MMP28: variants seen among roughly 807,000 people sequenced by gnomAD.
MMP28 encodes the protein matrix metallopeptidase 28.
A neutral mutation model predicts 60.5 loss-of-function variants in MMP28; 55 were observed. That is an observed-to-expected ratio of 0.91 (90% confidence interval 0.73 to 1.14). MMP28 has a LOEUF of 1.14. Ranked by LOEUF, MMP28 falls within the 50% of genes most tolerant of loss-of-function variation. The probability of loss-of-function intolerance (pLI) is 0.00; values close to 1 mark genes in which losing one functional copy is unlikely to be tolerated. For missense variants in MMP28, 686 were observed against 738.3 expected, an observed-to-expected ratio of 0.93 and a Z score of 0.82; for synonymous variants, 318 against 312.5, an observed-to-expected ratio of 1.02 and a Z score of -0.18.
At chr17:35,786,597 A>G (rs2143550583) in intron 1 of MMP28, among the ~76,000 whole-genome samples, 1 of 151,500 alleles carries the variant, frequency 6.6e-6, no homozygotes, top group Admixed American at 6.6e-5. Flanking sequence ...GGCAAGGCAT[A>G]GTGGCTCACG....
chr17:35,764,190 G>T (rs1555602170), downstream of MMP28: 1 of 1,548,024 alleles, frequency 6.5e-7, no homozygotes, highest in South Asian at 1.2e-5. Flanking sequence ...CGCGAGCGGC[G>T]CTCAGTGTCC....
At chr17:35,788,156 T>C (rs952856461) in intron 1 of MMP28, among the ~76,000 whole-genome samples, 1 of 152,088 alleles carries the variant, frequency 6.6e-6, no homozygotes, top group Non-Finnish European at 1.5e-5. Context: ...TCCTTCTACC[T>C]TGGCCTCCCA....
intron 1 of MMP28, among the ~76,000 whole-genome samples, chr17:35,788,570 C>T (rs185722670): frequency 3.3e-5 from 5 of 152,220 alleles, no homozygotes; most frequent in African/African-American, 7.2e-5. Flanking sequence ...TTCTTGGGAA[C>T]GGCTTCCACA....
chr17:35,795,564 CG>C lies in MMP28; in HGVS notation c.-188del. On this transcript the variant is annotated 5_prime_UTR_variant, in exon 1 of 8. Transcript: ENST00000605424. ...GGGCCGCTCCTCCGCTGCCCTTCGC[CG>C]GGAGCCGGCCAGACGTCGTCCAGCC... 1 of 402,796 alleles carries C rather than the reference CG, an allele frequency of 2.5e-6. No individual in the cohort carries two copies. Among genetic ancestry groups the C allele is most frequent in the South Asian group, 1.2e-4 (1 of 8,652 alleles). 25.0% of individuals were successfully genotyped at this position (402,796 alleles called of 1,614,324 possible).
At position 35,766,460 on chromosome 17, in the gene MMP28, C is replaced by T. The variant is rs780495914; in HGVS notation, c.*40G>A. Reference sequence around the variant, plus strand: ...CCCGGGGGTGGGGAACATGATTTTGCCCTGAGAGCACCACCAGTTTCTGAG... The same window carrying T: ...CCCGGGGGTGGGGAACATGATTTTGTCCTGAGAGCACCACCAGTTTCTGAG... On this transcript the variant is annotated 3_prime_UTR_variant, in exon 8 of 8. Coordinates refer to ENST00000605424, the MANE Select transcript of MMP28 (RefSeq NM_024302.5). This position sits in a 1 kb window ranked among gnomAD's most constrained non-coding sequence, Gnocchi z 4.3. 114 of 1,525,848 alleles carry T rather than the reference C, an allele frequency of 7.5e-5. No homozygotes were observed. The East Asian group carries it at 2.6e-3, about 35-fold the overall frequency. The allele number at this position is 1,525,848 out of a possible 1,614,324, so 94.5% of individuals were successfully genotyped here. A position where few individuals can be genotyped will look rare whatever the true frequency, so the allele number is the denominator to read the frequency against.
chr17:35,795,092 C>T (rs2086929764), intron 1 of MMP28, among the ~76,000 whole-genome samples, 175 bp downstream of exon 1: 1 of 152,256 alleles, frequency 6.6e-6, no homozygotes, highest in African/African-American at 2.4e-5. Context: ...GTGGTTCCAG[C>T]CTGGCACGGG....
At chr17:35,760,852 C>T in intron 2 of MMP28, 1 of 1,507,592 alleles carries the variant, frequency 6.6e-7, no homozygotes, top group South Asian at 1.2e-5. Context: ...TAATAGAGGC[C>T]CTAGACATGA....
chr17:35,759,452 A>G (rs1489631684), intron 2 of MMP28, among the ~76,000 whole-genome samples: 1 of 152,148 alleles, frequency 6.6e-6, no homozygotes, highest in Non-Finnish European at 1.5e-5. Flanking sequence ...CTGTCATCTG[A>G]GCACTTTGGG....
At chr17:35,773,489 A>G in intron 3 of MMP28, 85 bp from the exon 4 acceptor site, 20 of 1,212,892 alleles carry the variant, frequency 1.6e-5, no homozygotes, top group Non-Finnish European at 2.3e-5. Flanking sequence ...GGCGAGGGGT[A>G]GGCCCTCCCC....
In MMP28 at chr17:35,795,194, G is replaced by T. The variant is rs113181227; in HGVS notation, c.111+73C>A. The T allele has an allele frequency of 1.2e-4, 124 of 998,810 alleles. No individual in the cohort carries two copies. The African/African-American group carries it at 1.8e-3, about 14-fold the overall frequency. The allele number at this position is 998,810 out of a possible 1,614,324, so 61.9% of individuals were successfully genotyped here. A position where few individuals can be genotyped will look rare whatever the true frequency, so the allele number is the denominator to read the frequency against. On this transcript the variant is annotated intron_variant, in intron 1 of 7. Coordinates refer to ENST00000605424, the MANE Select transcript of MMP28 (RefSeq NM_024302.5). ...GATTGTCTGCTCACAGGGGACTGCC[G>T]GGTGGCCTGACTGCCGAGTTCTGAC...
At chr17:35,791,476 C>T (rs141538432) in intron 1 of MMP28, among the ~76,000 whole-genome samples, 1 of 151,984 alleles carries the variant, frequency 6.6e-6, no homozygotes, top group Non-Finnish European at 1.5e-5. Context: ...AGATTGAGGC[C>T]GCAGTGAGCC....
intron 2 of MMP28, among the ~76,000 whole-genome samples, chr17:35,759,294 A>C (rs1184026311): frequency 2.0e-5 from 3 of 152,228 alleles, no homozygotes; most frequent in African/African-American, 7.2e-5. Flanking sequence ...ATGTCTTGAA[A>C]GCAGAGGCCC....
chr17:35,782,535 T>C (rs193039894), intron 1 of MMP28, among the ~76,000 whole-genome samples: 2 of 152,362 alleles, frequency 1.3e-5, no homozygotes, highest in African/African-American at 4.8e-5. Flanking sequence ...CATCCTCTTC[T>C]CAATAAAGTA....
chr17:35,768,541 G>A (rs752188194), intron 5 of MMP28, among the ~76,000 whole-genome samples, 162 bp from the exon 6 acceptor site: 33 of 152,316 alleles, frequency 2.2e-4, no homozygotes, highest in Middle Eastern at 6.8e-3. Flanking sequence ...GCCAGGAATG[G>A]TGGTTCACAC....
chr17:35,773,100 T>A (rs2086209665), intron 4 of MMP28, 80 bp downstream of exon 4: 9 of 1,319,504 alleles, frequency 6.8e-6, no homozygotes, highest in Non-Finnish European at 9.4e-6. Context: ...GGAGGGTGAA[T>A]GCTTCATTGC....
downstream of MMP28, chr17:35,765,798 C>T: frequency 1.0e-6 from 1 of 956,212 alleles, no homozygotes. Flanking sequence ...TGGCCCTGGC[C>T]TCCCCTGCAC....
chr17:35,776,652 C>T (rs1297938665), intron 3 of MMP28, among the ~76,000 whole-genome samples: 1 of 151,840 alleles, frequency 6.6e-6, no homozygotes, highest in Admixed American at 6.6e-5. Context: ...TTTGAGAGGC[C>T]GAGGTGGGCG....
intron 1 of MMP28, among the ~76,000 whole-genome samples, chr17:35,790,303 G>A (rs1003939739): frequency 6.6e-6 from 1 of 151,964 alleles, no homozygotes. Flanking sequence ...GACCTCAAAT[G>A]ATCCTCCTGC....
downstream of MMP28, chr17:35,764,645 C>A: frequency 6.5e-7 from 1 of 1,544,522 alleles, no homozygotes; most frequent in South Asian, 1.2e-5. Context: ...CCTTTGTGCC[C>A]TCCATCATTT....
Sources: allele counts gnomAD v4.1 joint callset (sites outside exome capture counted in the v4.1 genomes callset), GRCh38; gene constraint gnomAD v4.1.1; non-coding constraint Gnocchi (gnomAD v3.1); transcripts MANE v1.5; gene names NCBI Gene and HGNC (gene_info 2026-07-23, HGNC 2026-07-21).